The following TMCC1 variants were observed in gnomAD, a reference collection of about 807,000 sequenced individuals.
TMCC1 encodes the protein transmembrane and coiled-coil domain family 1.
TMCC1 carries 15 observed loss-of-function variants against 52.4 expected under a neutral mutation model. The observed-to-expected ratio is 0.29, with a 90% confidence interval of 0.19 to 0.44. TMCC1 has a LOEUF of 0.44. Among genes scored for constraint, TMCC1 ranks in the 20% least tolerant of loss-of-function variants. The pLI, the probability that TMCC1 is intolerant of heterozygous loss-of-function variation, is 1.00. For missense variants in TMCC1, 503 were observed against 806.0 expected, an observed-to-expected ratio of 0.62 and a Z score of 4.55; for synonymous variants, 279 against 301.9, an observed-to-expected ratio of 0.92 and a Z score of 0.79.
chr3:129,675,509 G>A (rs1161468016), intron 4 of TMCC1, among the ~76,000 whole-genome samples: 1 of 152,184 alleles, frequency 6.6e-6, no homozygotes, highest in Admixed American at 6.5e-5. Flanking sequence ...TAAGTTGTTA[G>A]CACTGTTTTT....
chr3:129,760,598 C>A (rs554734417), intron 4 of TMCC1, among the ~76,000 whole-genome samples: 1 of 151,960 alleles, frequency 6.6e-6, no homozygotes, highest in African/African-American at 2.4e-5. Flanking sequence ...CTGCCTCAGC[C>A]TCCTAAGTAG....
At chr3:129,765,218 G>A (rs1274622096) in intron 4 of TMCC1, among the ~76,000 whole-genome samples, 2 of 151,632 alleles carry the variant, frequency 1.3e-5, no homozygotes, top group Admixed American at 6.6e-5. Flanking sequence ...ATGATATTGA[G>A]CAAGGGTTTT....
Position 129,671,255 on chromosome 3 carries a change from A to G in TMCC1, c.586T>C (p.Leu196=), listed in dbSNP as rs116370318. 4.4e-5 allele frequency: 71 copies of G among 1,609,918 alleles called. No individual in the cohort carries two copies. In the East Asian group the frequency reaches 1.1e-3, roughly 25 times the overall value. The change falls in exon 5 of 7, where the codon TTG becomes CTG. Residue 196 remains leucine, a synonymous_variant. Coordinates refer to ENST00000393238, the MANE Select transcript of TMCC1 (RefSeq NM_001017395.5). ...GTTTGGGCAAGGCTGCTTACTTCCA[A>G]CCGTTCGATCTAGTGTAAAAACAAG... ...EEGTAERIER[L]EVSSLAQTSS...
At chr3:129,743,151 T>C (rs796329325) in intron 4 of TMCC1, among the ~76,000 whole-genome samples, 114 of 152,338 alleles carry the variant, frequency 7.5e-4, no homozygotes, top group African/African-American at 2.7e-3. Flanking sequence ...CCATGGACTG[T>C]ATACTTTCAA....
intron 4 of TMCC1, among the ~76,000 whole-genome samples, chr3:129,778,677 G>T (rs1033844000): frequency 8.6e-5 from 13 of 151,126 alleles, no homozygotes; most frequent in African/African-American, 2.7e-4. Flanking sequence ...ATCATGGTGG[G>T]GGGGGGGCAG....
At chr3:129,871,947 T>C (rs1185859425) in intron 2 of TMCC1, among the ~76,000 whole-genome samples, 3 of 152,218 alleles carry the variant, frequency 2.0e-5, no homozygotes, top group Admixed American at 6.5e-5. Context: ...ACCAAAATGT[T>C]TGATAACACA....
At chr3:129,701,883 A>C (rs2047863148) in intron 4 of TMCC1, among the ~76,000 whole-genome samples, 1 of 152,206 alleles carries the variant, frequency 6.6e-6, no homozygotes, top group African/African-American at 2.4e-5. Flanking sequence ...GGTAATTTCC[A>C]AGTACTACTT....
intron 5 of TMCC1, among the ~76,000 whole-genome samples, chr3:129,663,427 A>T (rs2087197478): frequency 6.6e-6 from 1 of 152,228 alleles, no homozygotes; most frequent in South Asian, 2.1e-4. Context: ...AGCTTCTGCC[A>T]GTGTTTGACC....
intron 4 of TMCC1, among the ~76,000 whole-genome samples, chr3:129,715,799 T>C (rs952027931): frequency 1.9e-4 from 29 of 152,190 alleles, no homozygotes; most frequent in African/African-American, 6.5e-4. Context: ...GCACCCACCA[T>C]ATTACTTTAT....
chr3:129,808,937 A>G (rs907192146), intron 4 of TMCC1, among the ~76,000 whole-genome samples: 11 of 151,132 alleles, frequency 7.3e-5, no homozygotes, highest in African/African-American at 2.7e-4. Flanking sequence ...AAAAAAAAAA[A>G]ACAAAGAAAC....
At chr3:129,676,036 C>CAAAAA (rs61105005) in intron 4 of TMCC1, among the ~76,000 whole-genome samples, 13 of 46,310 alleles carry the variant, frequency 2.8e-4, no homozygotes, top group African/African-American at 7.4e-4. Flanking sequence ...GACTCTGTCT[C>CAAAAA]AAAAAAAAAA....
chr3:129,692,745 A>G (rs968324059), intron 4 of TMCC1, among the ~76,000 whole-genome samples: 1 of 152,224 alleles, frequency 6.6e-6, no homozygotes, highest in East Asian at 1.9e-4. Context: ...AGAGAAATAT[A>G]AGGTGTAAGT....
At chr3:129,871,065 G>A (rs77600189) in intron 2 of TMCC1, among the ~76,000 whole-genome samples, 3,248 of 152,008 alleles carry the variant, frequency 0.021, 52 homozygotes, top group Non-Finnish European at 0.031. Flanking sequence ...TTCTGTTTAA[G>A]AGTAGGATCT....
At chr3:129,690,049 G>A (rs986281658) in intron 4 of TMCC1, among the ~76,000 whole-genome samples, 1 of 152,070 alleles carries the variant, frequency 6.6e-6, no homozygotes, top group Admixed American at 6.6e-5. Flanking sequence ...CCACAAATGA[G>A]CAGAAAAGAA....
intron 2 of TMCC1, among the ~76,000 whole-genome samples, chr3:129,875,440 A>G (rs374057830): frequency 1.0e-3 from 151 of 149,398 alleles, no homozygotes; most frequent in African/African-American, 3.3e-3. Flanking sequence ...GCAGTCAGCC[A>G]AGATCGCACC....
intron 4 of TMCC1, among the ~76,000 whole-genome samples, chr3:129,716,728 T>C (rs2049139939): frequency 1.3e-5 from 2 of 152,054 alleles, no homozygotes; most frequent in African/African-American, 4.8e-5. Flanking sequence ...TAAAGCACCC[T>C]CACCTGTTTG....
chr3:129,807,267 T>C (rs1357190137), intron 4 of TMCC1, among the ~76,000 whole-genome samples: 1 of 152,218 alleles, frequency 6.6e-6, no homozygotes, highest in African/African-American at 2.4e-5. Flanking sequence ...CCCATTCTTA[T>C]GTTGTATGGC....
At chr3:129,776,128 A>G (rs1308818773) in intron 4 of TMCC1, among the ~76,000 whole-genome samples, 1 of 152,192 alleles carries the variant, frequency 6.6e-6, no homozygotes, top group Non-Finnish European at 1.5e-5. Flanking sequence ...CTCATCTCAA[A>G]TATCACCTCG....
chr3:129,814,388 A>G (rs190914956), intron 4 of TMCC1, among the ~76,000 whole-genome samples: 157 of 151,542 alleles, frequency 1.0e-3, no homozygotes, highest in African/African-American at 3.4e-3. Flanking sequence ...TAACCAAAAT[A>G]CAAAAACCTA....
Sources: gnomAD v4.1 joint callset for allele counts (sites outside exome capture counted in the v4.1 genomes callset) on GRCh38, gnomAD v4.1.1 for gene constraint, MANE v1.5 for transcripts, NCBI Gene and HGNC (gene_info 2026-07-23, HGNC 2026-07-21) for gene names.